The following GRIN2D variants were observed in gnomAD, a reference collection of about 807,000 sequenced individuals.
GRIN2D encodes the protein glutamate ionotropic receptor NMDA type subunit 2D, also known as glutamate receptor ionotropic, NMDA 2D.
In GRIN2D, 37 loss-of-function variants were observed where a neutral mutation model predicts 103.2. The ratio of observed to expected loss-of-function variants is 0.36; its 90% CI spans 0.28 to 0.47. The LOEUF is 0.47. Ranked by LOEUF, GRIN2D falls within the 20% of genes least tolerant of loss-of-function variation. The probability of loss-of-function intolerance (pLI) is 1.00; values close to 1 mark genes in which losing one functional copy is unlikely to be tolerated. For missense variants in GRIN2D, 1,557 were observed against 1,910.6 expected, an observed-to-expected ratio of 0.81 and a Z score of 3.45; for synonymous variants, 845 against 885.6, an observed-to-expected ratio of 0.95 and a Z score of 0.81.
chr19:48,401,380 G>A (rs1281173193), intron 3 of GRIN2D, among the ~76,000 whole-genome samples: 3 of 152,194 alleles, frequency 2.0e-5, no homozygotes, highest in African/African-American at 2.4e-5. Flanking sequence ...AACACAGGAT[G>A]TTGTAATGAC....
rs1379101551 is a variant in GRIN2D at position 48,405,651 on chromosome 19, A to T, written c.1085+298A>T. Among the ~76,000 whole-genome samples the T allele has an allele frequency of 3.3e-5, 5 of 152,226 alleles. No individual in the cohort carries two copies. In the South Asian group the frequency reaches 1.0e-3, roughly 31 times the overall value. On this transcript the variant is annotated intron_variant, in intron 4 of 13. Transcript: ENST00000263269. The surrounding 1 kb of genome is among the most constrained non-coding windows in gnomAD (Gnocchi z 5.1). The stretch of plus-strand genomic sequence containing the variant: ...ATAATTGATGACTTATCATGGCTTA[A>T]TTGGCAGCACTTTTGTCTTTCTTTG...
At chr19:48,413,606 GA>G (rs1970902909) in intron 4 of GRIN2D, among the ~76,000 whole-genome samples, 3 of 135,026 alleles carry the variant, frequency 2.2e-5, no homozygotes, top group African/African-American at 8.6e-5. Flanking sequence ...AGGTGGCAGT[GA>G]GCCAAGATCA....
intron 11 of GRIN2D, among the ~76,000 whole-genome samples, chr19:48,436,084 G>T (rs1306669733): frequency 1.3e-5 from 2 of 152,192 alleles, no homozygotes; most frequent in Admixed American, 6.5e-5. Context: ...CCGCTGCCTA[G>T]ACAGAGCCGA....
At chr19:48,428,671 C>A (rs1036206129) in intron 11 of GRIN2D, among the ~76,000 whole-genome samples, 1 of 152,060 alleles carries the variant, frequency 6.6e-6, no homozygotes, top group Middle Eastern at 3.2e-3. Context: ...CCCAAGTTCC[C>A]CTTTTTATAA....
intron 3 of GRIN2D, among the ~76,000 whole-genome samples, chr19:48,402,115 GGAAAGAAA>G (rs201781099): frequency 0.049 from 4,281 of 87,958 alleles, 84 homozygotes; most frequent in Non-Finnish European, 0.059. Context: ...AGAAAGAGAA[GGAAAGAAA>G]GAAAGAAAGA....
chr19:48,430,689 TTG>T (rs1190565331), intron 11 of GRIN2D, among the ~76,000 whole-genome samples: 9 of 152,208 alleles, frequency 5.9e-5, no homozygotes, highest in Non-Finnish European at 1.0e-4. Flanking sequence ...TGTGTTTTCT[TTG>T]TGGTTAACTA....
chr19:48,420,584 G>A (rs1971010049), intron 10 of GRIN2D, among the ~76,000 whole-genome samples: 2 of 152,060 alleles, frequency 1.3e-5, no homozygotes, highest in Non-Finnish European at 2.9e-5. Flanking sequence ...CCAGCACTTT[G>A]GGAGGCCGAG....
At position 48,441,889 on chromosome 19, in the gene GRIN2D, C is replaced by T. The variant is rs534422494; in HGVS notation, c.2373C>T (p.Ile791=). 49 of 1,613,292 alleles carry T rather than the reference C, an allele frequency of 3.0e-5. No homozygotes were observed. The South Asian group carries it at 5.1e-4, about 17-fold the overall frequency. The change falls in exon 12 of 14, where the codon ATC becomes ATT. Residue 791 remains isoleucine (I), a synonymous_variant. Coordinates refer to ENST00000263269, the MANE Select transcript of GRIN2D (RefSeq NM_000836.4). ...TCTTCGCCACGACAGGCTATGGCATCGCCCTGCACAAGGGCTCCCGCTGGA... is the reference window on the plus strand; with the variant it reads ...TCTTCGCCACGACAGGCTATGGCATTGCCCTGCACAAGGGCTCCCGCTGGA... ...GKVFATTGYG[I]ALHKGSRWKR...
intron 3 of GRIN2D, among the ~76,000 whole-genome samples, chr19:48,400,178 T>C (rs796163959): frequency 1.1e-4 from 16 of 151,906 alleles, no homozygotes; most frequent in African/African-American, 3.9e-4. Context: ...GGACCTCTGG[T>C]AGAGAAGGAG....
chr19:48,398,728 G>A lies in GRIN2D; in HGVS notation c.336G>A (p.Val112=). The A allele has an allele frequency of 6.8e-7, 1 of 1,467,444 alleles. No individual in the cohort carries two copies. Among genetic ancestry groups the A allele is most frequent in the Admixed American group, 2.4e-5 (1 of 41,218 alleles). The allele number at this position is 1,467,444 out of a possible 1,614,324, so 90.9% of individuals were successfully genotyped here. A position where few individuals can be genotyped will look rare whatever the true frequency, so the allele number is the denominator to read the frequency against. The change falls in exon 3 of 14, where the codon GTG becomes GTA. Residue 112 remains valine, a synonymous_variant. Transcript: ENST00000263269. ...GCGACCTGCTGTCGGGGTTGCGCGT[G>A]CACGGCGTGGTCTTCGAAGACGACT... ...QLCDLLSGLR[V]HGVVFEDDSR... is the part of the protein sequence containing the mutation.
chr19:48,419,628 G>T lies in GRIN2D; in HGVS notation c.1905G>T (p.Leu635=), dbSNP rs369769435. The part of the protein sequence containing the change: ...STFTIGKSIW[L]LWALVFNNSV... ...TCACCATTGGGAAATCCATCTGGCT[G>T]CTCTGGGCCCTGGTGTTCAATAATT... Residue 635 remains leucine (L), a synonymous_variant, in exon 10 of 14, where the codon CTG becomes CTT. Transcript: ENST00000263269. 10 of 1,613,436 alleles carry T rather than the reference G, an allele frequency of 6.2e-6. No homozygotes were observed. Among genetic ancestry groups the T allele is most frequent in the Admixed American group, 3.3e-5 (2 of 59,912 alleles).
chr19:48,438,067 T>G (rs1260563917), intron 11 of GRIN2D, among the ~76,000 whole-genome samples: 1 of 152,090 alleles, frequency 6.6e-6, no homozygotes, highest in Admixed American at 6.6e-5. Context: ...CCACTTAGCA[T>G]GTATGGACTA....
chr19:48,436,893 AGGTGGCACAGGG>A, intron 11 of GRIN2D, among the ~76,000 whole-genome samples: 1 of 152,272 alleles, frequency 6.6e-6, no homozygotes, highest in South Asian at 2.1e-4. Context: ...ATGGGGTGTC[AGGTGGCACAGGG>A]CCTCTAAACT....
chr19:48,411,183 A>G (rs1193061679), intron 4 of GRIN2D, among the ~76,000 whole-genome samples: 2 of 152,184 alleles, frequency 1.3e-5, no homozygotes, highest in East Asian at 3.9e-4. Context: ...TTAGTTGGGC[A>G]TGGCGGTGCA....
At chr19:48,441,081 C>A (rs1971285549) in intron 11 of GRIN2D, among the ~76,000 whole-genome samples, 1 of 152,008 alleles carries the variant, frequency 6.6e-6, no homozygotes, top group Non-Finnish European at 1.5e-5. Flanking sequence ...ACAGTCACAG[C>A]TGGCCAGGTG....
intron 8 of GRIN2D, 83 bp downstream of exon 8, chr19:48,416,238 T>G: frequency 7.7e-7 from 1 of 1,305,536 alleles, no homozygotes; most frequent in Non-Finnish European, 1.1e-6. Context: ...TCAGAAAACC[T>G]GGGTTCCCGG....
intron 4 of GRIN2D, among the ~76,000 whole-genome samples, chr19:48,408,437 T>C (rs1970817685): frequency 6.6e-6 from 1 of 151,810 alleles, no homozygotes; most frequent in Non-Finnish European, 1.5e-5. Context: ...AGATCGAGGC[T>C]GTAATGAACT....
At chr19:48,398,281 T>A in intron 2 of GRIN2D, 86 bp from the exon 3 acceptor site, 1 of 437,808 alleles carries the variant, frequency 2.3e-6, no homozygotes, top group Non-Finnish European at 3.1e-6. Flanking sequence ...TCCTCCTCTG[T>A]GCGTCTCTTT....
At chr19:48,396,452 G>A (rs925841688) in intron 2 of GRIN2D, among the ~76,000 whole-genome samples, 4 of 152,030 alleles carry the variant, frequency 2.6e-5, no homozygotes, top group African/African-American at 9.7e-5. Flanking sequence ...TCTGGGAGAG[G>A]CAGAGGAGGG....
Sources: gnomAD v4.1 joint callset for allele counts (sites outside exome capture counted in the v4.1 genomes callset) on GRCh38, gnomAD v4.1.1 for gene constraint, Gnocchi (gnomAD v3.1) non-coding constraint, MANE v1.5 for transcripts, NCBI Gene and HGNC (gene_info 2026-07-23, HGNC 2026-07-21) for gene names.